The following SETBP1 variants were observed in gnomAD, a reference collection of about 807,000 sequenced individuals.
SETBP1 encodes SET-binding protein.
SETBP1 carries 9 observed loss-of-function variants against 101.0 expected under a neutral mutation model. That is an observed-to-expected ratio of 0.09 (90% CI 0.05 to 0.16). The LOEUF (loss-of-function observed/expected upper bound fraction) is 0.16. SETBP1 is among the 10% of genes least tolerant of loss of function. The pLI is 1.00. For missense variants in SETBP1, 1,858 were observed against 2,033.8 expected (o/e 0.91, Z 1.66); for synonymous variants, 818 against 788.5 (o/e 1.04, Z -0.63).
At chr18:44,847,485 T>G (rs964093420) in intron 2 of SETBP1, among the ~76,000 whole-genome samples, 1 of 152,114 alleles carries the variant, frequency 6.6e-6, no homozygotes, top group African/African-American at 2.4e-5. Context: ...GCATCCAAAC[T>G]TGGCAGTTGT....
At chr18:45,015,793 C>A (rs1471885484) in intron 4 of SETBP1, among the ~76,000 whole-genome samples, 1 of 152,146 alleles carries the variant, frequency 6.6e-6, no homozygotes, top group Non-Finnish European at 1.5e-5. Flanking sequence ...AAAAATAGAT[C>A]ATAAGTATGA....
At chr18:44,989,232 T>C (rs1411591455) in intron 4 of SETBP1, 1 of 152,034 alleles carries the variant, frequency 6.6e-6, no homozygotes, top group Non-Finnish European at 1.5e-5. Context: ...AAAGAATAAG[T>C]ACAACAGATT....
intron 2 of SETBP1, among the ~76,000 whole-genome samples, chr18:44,801,429 C>T (rs895735310): frequency 6.6e-6 from 1 of 152,042 alleles, no homozygotes; most frequent in Non-Finnish European, 1.5e-5. Context: ...GGATCTGTTT[C>T]GAGGTAGAAG....
intron 4 of SETBP1, among the ~76,000 whole-genome samples, chr18:45,035,675 A>G (rs755328861): frequency 4.6e-5 from 7 of 152,320 alleles, no homozygotes; most frequent in Middle Eastern, 6.8e-3. Context: ...TTAAACAAAG[A>G]ATTACTTTCC....
chr18:44,794,368 A>G (rs1599137265), intron 2 of SETBP1, among the ~76,000 whole-genome samples: 1 of 152,306 alleles, frequency 6.6e-6, no homozygotes, highest in East Asian at 1.9e-4. Flanking sequence ...CACCACCAAG[A>G]GGTGGAACTG....
chr18:44,941,799 T>G (rs1297725800), intron 3 of SETBP1, among the ~76,000 whole-genome samples: 1 of 152,116 alleles, frequency 6.6e-6, no homozygotes, highest in East Asian at 1.9e-4. Context: ...TTTTTCAGAT[T>G]TAGAATTTTC....
intron 3 of SETBP1, among the ~76,000 whole-genome samples, chr18:44,943,165 T>C (rs1374210510): frequency 6.6e-6 from 1 of 152,218 alleles, no homozygotes; most frequent in Non-Finnish European, 1.5e-5. Flanking sequence ...AGATGGAATG[T>C]GCATTCCTCC....
chr18:45,046,364 G>A (rs2073611450), intron 5 of SETBP1, among the ~76,000 whole-genome samples: 1 of 152,168 alleles, frequency 6.6e-6, no homozygotes, highest in Non-Finnish European at 1.5e-5. Flanking sequence ...TCCAGAAGCA[G>A]CAAACCATCC....
chr18:44,718,663 G>A (rs957917474), intron 2 of SETBP1, among the ~76,000 whole-genome samples: 1 of 152,136 alleles, frequency 6.6e-6, no homozygotes, highest in Non-Finnish European at 1.5e-5. Flanking sequence ...AGATGTAAGT[G>A]GGTATTGTCC....
chr18:44,844,295 C>T (rs2072678356), intron 2 of SETBP1, among the ~76,000 whole-genome samples: 1 of 151,960 alleles, frequency 6.6e-6, no homozygotes, highest in African/African-American at 2.4e-5. Flanking sequence ...CTGGGTCTCT[C>T]CTCCCACCTT....
intron 2 of SETBP1, among the ~76,000 whole-genome samples, chr18:44,785,488 C>A (rs1347028406): frequency 6.6e-6 from 1 of 152,180 alleles, no homozygotes; most frequent in Non-Finnish European, 1.5e-5. Flanking sequence ...TTCTGTGAAG[C>A]AAATTTGCTT....
intron 2 of SETBP1, among the ~76,000 whole-genome samples, chr18:44,777,931 C>T (rs1459674974): frequency 2.0e-5 from 3 of 152,228 alleles, no homozygotes; most frequent in African/African-American, 7.2e-5. Context: ...GCCGCCTTCC[C>T]ATTTCTGAAC....
At chr18:44,939,301 A>G (rs1030583322) in intron 3 of SETBP1, among the ~76,000 whole-genome samples, 1 of 128,380 alleles carries the variant, frequency 7.8e-6, no homozygotes, top group Admixed American at 7.8e-5. Context: ...ATCATAATAG[A>G]TTTGTTTTGC....
chr18:44,876,499 G>T, intron 3 of SETBP1: 2 of 1,136,412 alleles, frequency 1.8e-6, no homozygotes, highest in Non-Finnish European at 2.6e-6. Context: ...ATTGGTCTGG[G>T]TGGGGTCTGG....
intron 4 of SETBP1, among the ~76,000 whole-genome samples, chr18:44,999,717 C>A (rs142973160): frequency 4.6e-5 from 7 of 152,308 alleles, no homozygotes; most frequent in South Asian, 2.1e-4. Flanking sequence ...CCTGGTGAAT[C>A]CATTTCATAC....
chr18:44,970,398 CAT>C (rs1287116934), intron 4 of SETBP1, among the ~76,000 whole-genome samples: 1 of 152,170 alleles, frequency 6.6e-6, no homozygotes, highest in Non-Finnish European at 1.5e-5. Flanking sequence ...ATGCCTGACT[CAT>C]AGAAAATATA....
intron 4 of SETBP1, among the ~76,000 whole-genome samples, chr18:45,036,779 G>T (rs959398989): frequency 2.6e-5 from 4 of 152,202 alleles, no homozygotes; most frequent in Non-Finnish European, 4.4e-5. Context: ...CCTTATCCAG[G>T]TGTGATACTG....
intron 2 of SETBP1, among the ~76,000 whole-genome samples, chr18:44,856,419 A>G (rs183836902): frequency 2.6e-5 from 4 of 152,200 alleles, no homozygotes; most frequent in Non-Finnish European, 4.4e-5. Flanking sequence ...CATTTCCTCC[A>G]TCTGTCAAAC....
At chr18:44,799,086 G>T (rs1363711857) in intron 2 of SETBP1, among the ~76,000 whole-genome samples, 2 of 152,166 alleles carry the variant, frequency 1.3e-5, no homozygotes, top group Non-Finnish European at 2.9e-5. Context: ...ACGAGATCTG[G>T]CCTACAAGAA....
Sources: allele counts gnomAD v4.1 joint callset (sites outside exome capture counted in the v4.1 genomes callset), GRCh38; gene constraint gnomAD v4.1.1; transcripts MANE v1.5; gene names NCBI Gene and HGNC (gene_info 2026-07-23, HGNC 2026-07-21).